TAF1B: variants seen among roughly 807,000 people sequenced by gnomAD.
The protein encoded by TAF1B is TATA-box binding protein associated factor, RNA polymerase I subunit B.
Under a neutral mutation model 83.9 loss-of-function variants are expected in TAF1B, and 61 were observed. The ratio of observed to expected loss-of-function variants is 0.73; its 90% confidence interval spans 0.59 to 0.90. TAF1B has a LOEUF of 0.90. Ranked by LOEUF, TAF1B falls within the 40% of genes least tolerant of loss-of-function variation. The pLI, the probability that TAF1B is intolerant of heterozygous loss-of-function variation, is 0.00. For synonymous variants in TAF1B, 221 were observed against 224.6 expected (o/e 0.98, Z 0.14); for missense variants, 625 against 677.0 (o/e 0.92, Z 0.85).
chr2:9,888,790 G>GGTTTTT lies in TAF1B; in HGVS notation c.807+5985_807+5986insGTTTTT, dbSNP rs753209727. Among the ~76,000 whole-genome samples the GGTTTTT allele has an allele frequency of 2.7e-4, 22 of 81,650 alleles. 1 individual carries two copies. The highest frequency in any genetic ancestry group is 6.8e-3 in the Middle Eastern group (1 of 146). The allele number at this position is 81,650 out of a possible 152,430, so 53.6% of individuals were successfully genotyped here. A position where few individuals can be genotyped will look rare whatever the true frequency, so the allele number is the denominator to read the frequency against. ...GTTTTCTTTATGTTTCTTCTGCTTGGTTTTTTTTTTTTTTTTTTTTTTTTT... is the reference window on the plus strand; with the variant it reads ...GTTTTCTTTATGTTTCTTCTGCTTGGGTTTTTTTTTTTTTTTTTTTTTTTTTTTTTT... On this transcript the variant is annotated intron_variant, in intron 8 of 14. Coordinates refer to ENST00000263663, the MANE Select transcript of TAF1B (RefSeq NM_005680.3).
intron 7 of TAF1B, among the ~76,000 whole-genome samples, 199 bp downstream of exon 7, chr2:9,876,217 G>A (rs914824149): frequency 3.9e-5 from 6 of 152,130 alleles, no homozygotes; most frequent in African/African-American, 1.2e-4. Flanking sequence ...TATTTATGTA[G>A]TAGAAATTAT....
At chr2:9,844,152 T>C (rs1663120545) in intron 1 of TAF1B, among the ~76,000 whole-genome samples, 1 of 152,076 alleles carries the variant, frequency 6.6e-6, no homozygotes, top group Non-Finnish European at 1.5e-5. Context: ...AATGGCACAT[T>C]TTTGTTTTTT....
chr2:9,903,180 G>A (rs1346936735), intron 8 of TAF1B, among the ~76,000 whole-genome samples: 2 of 152,142 alleles, frequency 1.3e-5, no homozygotes, highest in Non-Finnish European at 2.9e-5. Flanking sequence ...CCGCCTCCTG[G>A]GTTCACGCCA....
At chr2:9,849,638 CTTTTATA>C (rs1663322626) in intron 3 of TAF1B, among the ~76,000 whole-genome samples, 178 bp downstream of exon 3, 8 of 152,138 alleles carry the variant, frequency 5.3e-5, no homozygotes, top group Admixed American at 5.2e-4. Flanking sequence ...ATTTCTGGTG[CTTTTATA>C]GAAAAAATGC....
intron 9 of TAF1B, among the ~76,000 whole-genome samples, chr2:9,907,290 A>AC (rs1259950525): frequency 6.6e-6 from 1 of 151,740 alleles, no homozygotes; most frequent in Non-Finnish European, 1.5e-5. Flanking sequence ...TGGTTTGCAA[A>AC]CCACCCATAC....
chr2:9,912,503 T>A (rs904995765), intron 11 of TAF1B, among the ~76,000 whole-genome samples: 1 of 152,230 alleles, frequency 6.6e-6, no homozygotes, highest in African/African-American at 2.4e-5. Flanking sequence ...TCATGTTGGC[T>A]TCTATGTAGA....
intron 5 of TAF1B, 67 bp from the exon 6 acceptor site, chr2:9,868,209 A>T: frequency 5.4e-5 from 79 of 1,473,146 alleles, no homozygotes; most frequent in Middle Eastern, 2.1e-4. Context: ...GGAGTTGTTT[A>T]AGTTCACAGA....
At chr2:9,889,092 T>C (rs1664784484) in intron 8 of TAF1B, among the ~76,000 whole-genome samples, 1 of 151,740 alleles carries the variant, frequency 6.6e-6, no homozygotes, top group Admixed American at 6.6e-5. Flanking sequence ...GGGGAGCCAC[T>C]GCACCCAGCC....
At chr2:9,923,727 C>T (rs955665768) in intron 14 of TAF1B, among the ~76,000 whole-genome samples, 3 of 152,112 alleles carry the variant, frequency 2.0e-5, no homozygotes, top group Non-Finnish European at 4.4e-5. Flanking sequence ...ATAGCAGCCA[C>T]GGGGAAAGGC....
chr2:9,883,140 A>T (rs1216490849), intron 8 of TAF1B, among the ~76,000 whole-genome samples: 1 of 152,130 alleles, frequency 6.6e-6, no homozygotes, highest in East Asian at 1.9e-4. Context: ...TGTTGTTGTT[A>T]TTTGCACACT....
At chr2:9,899,080 G>A (rs924315357) in intron 8 of TAF1B, among the ~76,000 whole-genome samples, 1 of 151,676 alleles carries the variant, frequency 6.6e-6, no homozygotes, top group African/African-American at 2.4e-5. Flanking sequence ...TTATATTTTT[G>A]TGCATCCATC....
At chr2:9,930,737 T>C (rs1312749330) in intron 14 of TAF1B, among the ~76,000 whole-genome samples, 2 of 152,214 alleles carry the variant, frequency 1.3e-5, no homozygotes, top group Non-Finnish European at 2.9e-5. Context: ...TAACCTTCTG[T>C]CTCGTTAATC....
chr2:9,918,033 C>G (rs1287485667), intron 12 of TAF1B, among the ~76,000 whole-genome samples: 2 of 150,092 alleles, frequency 1.3e-5, no homozygotes, highest in South Asian at 2.1e-4. Flanking sequence ...GATCCCACCA[C>G]TGCACTCCAG....
At chr2:9,853,065 G>C (rs1363831039) in intron 4 of TAF1B, among the ~76,000 whole-genome samples, 1 of 152,208 alleles carries the variant, frequency 6.6e-6, no homozygotes, top group Non-Finnish European at 1.5e-5. Flanking sequence ...GGGGGGTTGT[G>C]ATCTGATTTC....
At position 9,888,283 on chromosome 2, in the gene TAF1B, C is replaced by A. The variant is rs1476662476; in HGVS notation, c.807+5478C>A. Reference sequence around the variant, plus strand: ...CCTCCTCCCATCCTTTAGTGTCAAACATTTCACTTCTACCTTAATGCATTG... The same window carrying A: ...CCTCCTCCCATCCTTTAGTGTCAAAAATTTCACTTCTACCTTAATGCATTG... On this transcript the variant is annotated intron_variant, in intron 8 of 14. Coordinates refer to ENST00000263663, the MANE Select transcript of TAF1B (RefSeq NM_005680.3). 4.6e-5 allele frequency among the ~76,000 whole-genome samples: 7 copies of A among 151,664 alleles called. No homozygotes were observed. The East Asian group carries it at 1.4e-3, about 29-fold the overall frequency.
chr2:9,870,992 G>T (rs1020221510), intron 6 of TAF1B, among the ~76,000 whole-genome samples: 2 of 152,054 alleles, frequency 1.3e-5, no homozygotes, highest in Non-Finnish European at 2.9e-5. Context: ...TCTTCTGGAA[G>T]AAGTCTCCCT....
chr2:9,887,594 T>C (rs1238774305), intron 8 of TAF1B, among the ~76,000 whole-genome samples: 1 of 152,126 alleles, frequency 6.6e-6, no homozygotes, highest in Admixed American at 6.5e-5. Context: ...TTCCAATCTT[T>C]TATTTTTGAC....
chr2:9,930,155 G>T (rs1666168916), intron 14 of TAF1B, among the ~76,000 whole-genome samples: 2 of 151,800 alleles, frequency 1.3e-5, no homozygotes, highest in African/African-American at 4.8e-5. Context: ...TTTTTTAAGG[G>T]TTTTTTGTGT....
chr2:9,926,736 G>A (rs1261900677), intron 14 of TAF1B, among the ~76,000 whole-genome samples: 1 of 151,046 alleles, frequency 6.6e-6, no homozygotes, highest in Non-Finnish European at 1.5e-5. Context: ...CTACTTGGGG[G>A]GCTGAGGCAG....
Sources: gnomAD v4.1 joint callset for allele counts (sites outside exome capture counted in the v4.1 genomes callset) on GRCh38, gnomAD v4.1.1 for gene constraint, MANE v1.5 for transcripts, NCBI Gene and HGNC (gene_info 2026-07-23, HGNC 2026-07-21) for gene names.